CIT: variants seen among roughly 807,000 people sequenced by gnomAD.
CIT encodes the protein citron Rho-interacting kinase.
Under a neutral mutation model 272.7 loss-of-function variants are expected in CIT, and 79 were observed. That is an observed-to-expected ratio of 0.29 (90% confidence interval 0.24 to 0.35). CIT has a LOEUF of 0.35. CIT is among the 10% of genes least tolerant of loss of function. The pLI, the probability that CIT is intolerant of heterozygous loss-of-function variation, is 1.00. For synonymous variants in CIT, 948 were observed against 995.6 expected, an observed-to-expected ratio of 0.95 and a Z score of 0.90; for missense variants, 1,909 against 2,618.3, an observed-to-expected ratio of 0.73 and a Z score of 5.91.
intron 13 of CIT, among the ~76,000 whole-genome samples, chr12:119,779,484 A>C (rs7134042): frequency 9.8e-5 from 15 of 152,292 alleles, no homozygotes; most frequent in African/African-American, 2.9e-4. Context: ...TGATGAAAAA[A>C]TTAAAACATT....
At chr12:119,716,169 G>C (rs2137096942) in intron 32 of CIT, among the ~76,000 whole-genome samples, 1 of 152,100 alleles carries the variant, frequency 6.6e-6, no homozygotes, top group Non-Finnish European at 1.5e-5. Flanking sequence ...CTTGAGGTCA[G>C]GAGTTCAAGA....
intron 15 of CIT, 121 bp downstream of exon 15, chr12:119,776,230 AAGCCTCG>A (rs1963733310): frequency 1.3e-6 from 1 of 753,838 alleles, no homozygotes; most frequent in African/African-American, 1.8e-5. Context: ...CTATCAAAAT[AAGCCTCG>A]AAGAGAGGTC....
chr12:119,764,488 C>T (rs1304578334), intron 19 of CIT, among the ~76,000 whole-genome samples: 1 of 151,670 alleles, frequency 6.6e-6, no homozygotes, highest in African/African-American at 2.4e-5. Context: ...TGGTGGCATG[C>T]ACCTATAGTC....
rs757547985 is a variant in CIT, at chr12:119,697,941, C to T, written c.5702+35G>A. On this transcript the variant is annotated intron_variant, in intron 45 of 47. Transcript: ENST00000392521. The surrounding 1 kb of genome is among the most constrained non-coding windows in gnomAD (Gnocchi z 4.9). ...CCGGCCCCAACACCTACCCCAATAG[C>T]TGAAGTTTTCCACGCATGGGAGGAC... 7.4e-6 allele frequency: 12 copies of T among 1,613,640 alleles called. No individual in the cohort carries two copies. The Admixed American group carries it at 1.7e-4, about 22-fold the overall frequency.
chr12:119,759,758 C>T (rs1002520117), intron 20 of CIT, among the ~76,000 whole-genome samples: 2 of 152,162 alleles, frequency 1.3e-5, no homozygotes, highest in African/African-American at 4.8e-5. Flanking sequence ...TTGTCTTCCA[C>T]AAAACCGGTC....
intron 6 of CIT, among the ~76,000 whole-genome samples, chr12:119,833,069 AG>A (rs1968756096): frequency 6.6e-6 from 1 of 152,074 alleles, no homozygotes; most frequent in Admixed American, 6.6e-5. Flanking sequence ...AGAGGGAGAG[AG>A]GGGGAAAGAG....
At chr12:119,846,329 TTGA>T (rs1430702977) in intron 5 of CIT, among the ~76,000 whole-genome samples, 7 of 152,164 alleles carry the variant, frequency 4.6e-5, no homozygotes, top group Non-Finnish European at 7.3e-5. Context: ...AAAATGGACC[TTGA>T]TGATGTGAAA....
chr12:119,824,302 C>T (rs1967989261), intron 8 of CIT, among the ~76,000 whole-genome samples: 1 of 152,042 alleles, frequency 6.6e-6, no homozygotes, highest in African/African-American at 2.4e-5. Flanking sequence ...CCAGTTACTT[C>T]ACCTTCAGTG....
At chr12:119,775,269 T>C (rs187607398) in intron 16 of CIT, among the ~76,000 whole-genome samples, 66 of 152,206 alleles carry the variant, frequency 4.3e-4, no homozygotes, top group African/African-American at 1.5e-3. Flanking sequence ...CAAGACTCCA[T>C]CTCAAAAAAA....
Position 119,770,920 on chromosome 12 carries a change from A to C in CIT, c.2083-10T>G. On this transcript the variant is annotated splice_polypyrimidine_tract_variant and intron_variant, in intron 17 of 47. Transcript: ENST00000392521. This position sits in a 1 kb window ranked among gnomAD's most constrained non-coding sequence, Gnocchi z 4.4. ...GAGAATGGCGGCGTTCCTGTAGATC[A>C]TGAATCAATCAGAGAGTTTTAATGG... is the stretch of plus-strand genomic sequence containing the variant. The C allele has an allele frequency of 6.2e-7, 1 of 1,612,582 alleles. No individual in the cohort carries two copies.
chr12:119,749,068 G>A (rs1173525534), intron 23 of CIT, among the ~76,000 whole-genome samples: 1 of 152,214 alleles, frequency 6.6e-6, no homozygotes, highest in Non-Finnish European at 1.5e-5. Context: ...GTGGAGAAGA[G>A]GCAAGCATTA....
In CIT at chr12:119,718,898, A is replaced by C; in HGVS notation, c.3841-37T>G. 2 of 1,605,928 alleles carry C rather than the reference A, an allele frequency of 1.2e-6. No individual in the cohort carries two copies. Among genetic ancestry groups the C allele is most frequent in the South Asian group, 1.1e-5 (1 of 90,768 alleles). On this transcript the variant is annotated intron_variant, in intron 30 of 47. Transcript: ENST00000392521. The surrounding 1 kb of genome is among the most constrained non-coding windows in gnomAD (Gnocchi z 4.8). ...AACAGAGATATCTCCTAACTCCTGG[A>C]AACTGGCACTTGAAACTAGCTAAAG...
Position 119,700,792 on chromosome 12 carries a change from C to T in CIT, c.5576G>A (p.Arg1859His), listed in dbSNP as rs749836111. Residue 1859 changes from arginine to histidine, a missense_variant, in exon 44 of 48, where the codon CGT becomes CAT. Arg to His is a conservative substitution (Grantham distance 29). This residue lies in a region of CIT where 780 missense variants were observed against 1,067.2 expected (regional missense o/e 0.73). Transcript: ENST00000392521. ...FGVFVDSYGR[R>H]SRTDDLKWSR... The stretch of plus-strand genomic sequence containing the variant: ...CCACTTGAGATCGTCTGTGCGGCTA[C>T]GTCTTCCGTAAGAATCCACGAACAC... The T allele has an allele frequency of 1.4e-5, 23 of 1,613,862 alleles. 1 individual carries two copies. The South Asian group carries it at 1.6e-4, about 12-fold the overall frequency.
At chr12:119,762,725 G>T (rs150552697) in intron 19 of CIT, among the ~76,000 whole-genome samples, 17 of 152,238 alleles carry the variant, frequency 1.1e-4, no homozygotes, top group Admixed American at 3.3e-4. Flanking sequence ...AGCTAGAAGG[G>T]ATAAGCCTCT....
At chr12:119,862,990 G>A (rs937628331) in intron 3 of CIT, among the ~76,000 whole-genome samples, 1 of 149,520 alleles carries the variant, frequency 6.7e-6, no homozygotes, top group African/African-American at 2.5e-5. Context: ...GGATCACAAG[G>A]TCAAGAGTTG....
At chr12:119,862,806 CCT>C (rs1950383719) in intron 3 of CIT, among the ~76,000 whole-genome samples, 1 of 20,562 alleles carries the variant, frequency 4.9e-5, no homozygotes, top group African/African-American at 3.6e-4. Flanking sequence ...CAAGACTCTA[CCT>C]AAAAAAAAAA....
chr12:119,771,473 C>G (rs536785798), intron 17 of CIT, among the ~76,000 whole-genome samples: 13 of 152,158 alleles, frequency 8.5e-5, no homozygotes, highest in Admixed American at 7.2e-4. Context: ...CAGTCTGGGC[C>G]CCAAGAGAAG....
At chr12:119,863,718 G>A (rs11064941) in intron 3 of CIT, among the ~76,000 whole-genome samples, 7,013 of 148,554 alleles carry the variant, frequency 0.047, 294 homozygotes, top group African/African-American at 0.12. Context: ...GTATAGAGAC[G>A]GGGGGGTTTC....
chr12:119,803,365 AG>A lies in CIT; in HGVS notation c.1135del (p.Leu379SerfsTer26). ...ATTGGAGGTGTCATCGTCAGACTTG[AG>A]GGTGGGAACGAAGGGGGGAGGAGCT... is the stretch of plus-strand genomic sequence containing the variant. Reference protein sequence around the residue: ...RNSPPPFVPTLKSDDDTSNFD... With the variant: ...RNSPPPFVPTXKSDDDTSNFD... On this transcript the variant is annotated frameshift_variant, in exon 10 of 48. Transcript: ENST00000392521. LOFTEE classifies it high-confidence loss of function. 1 of 1,586,154 alleles carries A rather than the reference AG, an allele frequency of 6.3e-7. No individual in the cohort carries two copies. Among genetic ancestry groups the A allele is most frequent in the South Asian group, 1.1e-5 (1 of 87,370 alleles).
Sources: allele counts gnomAD v4.1 joint callset (sites outside exome capture counted in the v4.1 genomes callset), GRCh38; gene constraint gnomAD v4.1.1; regional missense constraint gnomAD v4.1.1; non-coding constraint Gnocchi (gnomAD v3.1); transcripts MANE v1.5; gene names NCBI Gene and HGNC (gene_info 2026-07-23, HGNC 2026-07-21).